AKAP6: variants seen among roughly 807,000 people sequenced by gnomAD.
AKAP6 encodes A-kinase anchoring protein 6.
In AKAP6, 58 loss-of-function variants were observed where a neutral mutation model predicts 188.5. The ratio of observed to expected loss-of-function variants is 0.31; its 90% confidence interval spans 0.25 to 0.38. The LOEUF is 0.38. Among genes scored for constraint, AKAP6 ranks in the 10% least tolerant of loss-of-function variants. The pLI is 1.00. For missense variants in AKAP6, 2,710 were observed against 2,740.0 expected, an observed-to-expected ratio of 0.99 and a Z score of 0.24; for synonymous variants, 989 against 998.6, an observed-to-expected ratio of 0.99 and a Z score of 0.18.
chr14:32,781,206 G>T (rs1478427613), intron 12 of AKAP6, among the ~76,000 whole-genome samples: 1 of 151,684 alleles, frequency 6.6e-6, no homozygotes, highest in Admixed American at 6.6e-5. Flanking sequence ...GATTGATTAG[G>T]GAAAAAAAGA....
Position 32,545,157 on chromosome 14 carries a change from A to T in AKAP6, c.577-73A>T, listed in dbSNP as rs1394098808. The T allele has an allele frequency of 1.2e-5, 17 of 1,458,398 alleles. No homozygotes were observed. The East Asian group carries it at 3.9e-4, about 33-fold the overall frequency. The allele number at this position is 1,458,398 out of a possible 1,614,324, so 90.3% of individuals were successfully genotyped here. On this transcript the variant is annotated intron_variant, in intron 3 of 13. Coordinates refer to ENST00000280979, the MANE Select transcript of AKAP6 (RefSeq NM_004274.5). Reference sequence around the variant, plus strand: ...GACCTTTATAGTGCCCTGTACTGCAATTTCATTTACATAGCAGCTGATGTT... The same window carrying T: ...GACCTTTATAGTGCCCTGTACTGCATTTTCATTTACATAGCAGCTGATGTT...
At chr14:32,645,341 T>A (rs964953585) in intron 7 of AKAP6, among the ~76,000 whole-genome samples, 1 of 152,348 alleles carries the variant, frequency 6.6e-6, no homozygotes, top group East Asian at 1.9e-4. Context: ...GTAATGTTTG[T>A]TGCATTTATT....
At chr14:32,558,780 A>G (rs1360492080) in intron 4 of AKAP6, among the ~76,000 whole-genome samples, 1 of 152,160 alleles carries the variant, frequency 6.6e-6, no homozygotes, top group Non-Finnish European at 1.5e-5. Context: ...CACCACCAAT[A>G]CCATGTCTGC....
At chr14:32,779,553 G>C (rs1245202367) in intron 12 of AKAP6, among the ~76,000 whole-genome samples, 1 of 151,656 alleles carries the variant, frequency 6.6e-6, no homozygotes, top group Non-Finnish European at 1.5e-5. Flanking sequence ...AGATTTCAGA[G>C]CAAAGAAGAT....
At chr14:32,359,659 A>C (rs2138481364) in intron 1 of AKAP6, among the ~76,000 whole-genome samples, 1 of 151,794 alleles carries the variant, frequency 6.6e-6, no homozygotes, top group Non-Finnish European at 1.5e-5. Context: ...AGTTTCTTCA[A>C]GTTTATGGTA....
intron 5 of AKAP6, among the ~76,000 whole-genome samples, chr14:32,583,572 CCAGAGGTGGAGCCTA>C (rs1885083478): frequency 6.6e-6 from 1 of 152,208 alleles, no homozygotes; most frequent in East Asian, 1.9e-4. Flanking sequence ...TGCCCTGCCC[CCAGAGGTGGAGCCTA>C]CAGAGGCAGG....
intron 5 of AKAP6, among the ~76,000 whole-genome samples, chr14:32,597,950 A>G (rs1490882726): frequency 6.6e-6 from 1 of 151,994 alleles, no homozygotes; most frequent in Non-Finnish European, 1.5e-5. Flanking sequence ...CAGACTCACC[A>G]CTGACCACCC....
At chr14:32,743,762 A>AT in intron 11 of AKAP6, among the ~76,000 whole-genome samples, 1 of 151,938 alleles carries the variant, frequency 6.6e-6, no homozygotes, top group Non-Finnish European at 1.5e-5. Flanking sequence ...TGTAGTTATT[A>AT]TTTTTTTTTG....
At chr14:32,369,229 T>G (rs922245335) in intron 1 of AKAP6, among the ~76,000 whole-genome samples, 3 of 152,094 alleles carry the variant, frequency 2.0e-5, no homozygotes, top group African/African-American at 7.2e-5. Context: ...TGAATGGATC[T>G]GAGAAGCTCT....
At chr14:32,482,967 G>T (rs10141644) in intron 2 of AKAP6, among the ~76,000 whole-genome samples, 1 of 72,496 alleles carries the variant, frequency 1.4e-5, no homozygotes, top group African/African-American at 3.5e-5. Context: ...GGGTGTGTGT[G>T]TGTGTCTGTG....
intron 7 of AKAP6, among the ~76,000 whole-genome samples, chr14:32,609,404 G>C (rs1886256867): frequency 6.6e-6 from 1 of 152,088 alleles, no homozygotes; most frequent in Non-Finnish European, 1.5e-5. Flanking sequence ...CCCAGTCTTA[G>C]CTCCCACTGT....
intron 7 of AKAP6, among the ~76,000 whole-genome samples, chr14:32,645,382 G>A (rs1157543096): frequency 6.6e-6 from 1 of 152,160 alleles, no homozygotes; most frequent in Non-Finnish European, 1.5e-5. Context: ...CAATATATTT[G>A]TGGGTAAACA....
intron 7 of AKAP6, among the ~76,000 whole-genome samples, chr14:32,655,296 T>C (rs1194932643): frequency 6.6e-6 from 1 of 152,174 alleles, no homozygotes; most frequent in Admixed American, 6.5e-5. Flanking sequence ...TGAAACTGGA[T>C]GTGATTTCTC....
intron 2 of AKAP6, among the ~76,000 whole-genome samples, chr14:32,523,472 CT>C (rs553132622): frequency 0.011 from 1,604 of 142,698 alleles, 16 homozygotes; most frequent in African/African-American, 0.034. Context: ...CTCTCTCTCT[CT>C]TTTTTTTTTT....
chr14:32,745,469 C>G (rs7492324), intron 11 of AKAP6, among the ~76,000 whole-genome samples: 1 of 67,140 alleles, frequency 1.5e-5, no homozygotes, highest in East Asian at 2.7e-4. Context: ...CATTCTCTCT[C>G]TCTCTCTCTC....
intron 2 of AKAP6, among the ~76,000 whole-genome samples, chr14:32,501,475 A>G (rs1335823267): frequency 6.6e-6 from 1 of 152,158 alleles, no homozygotes; most frequent in African/African-American, 2.4e-5. Flanking sequence ...ACCAAAGTAT[A>G]TCACTTCTAC....
intron 1 of AKAP6, among the ~76,000 whole-genome samples, chr14:32,343,248 A>G (rs1049340459): frequency 1.7e-5 from 2 of 115,916 alleles, no homozygotes; most frequent in Admixed American, 7.4e-5. Flanking sequence ...CCTTGTCAAG[A>G]CTTAGAAACA....
At chr14:32,339,806 C>G (rs1429719594) in intron 1 of AKAP6, among the ~76,000 whole-genome samples, 2 of 152,122 alleles carry the variant, frequency 1.3e-5, no homozygotes, top group Non-Finnish European at 2.9e-5. Context: ...GAAGAACATA[C>G]AGCTTCATAA....
intron 9 of AKAP6, among the ~76,000 whole-genome samples, chr14:32,713,707 T>C (rs1186169922): frequency 6.6e-6 from 1 of 152,052 alleles, no homozygotes; most frequent in Admixed American, 6.6e-5. Flanking sequence ...TTAGCCTTCA[T>C]AGAATTAAAA....
Sources: allele counts gnomAD v4.1 joint callset (sites outside exome capture counted in the v4.1 genomes callset), GRCh38; gene constraint gnomAD v4.1.1; transcripts MANE v1.5; gene names NCBI Gene and HGNC (gene_info 2026-07-23, HGNC 2026-07-21).